KCNQ5: variants seen among roughly 807,000 people sequenced by gnomAD.
KCNQ5 encodes the protein potassium voltage-gated channel subfamily KQT member 5.
In KCNQ5, 30 loss-of-function variants were observed where a neutral mutation model predicts 98.2. The ratio of observed to expected loss-of-function variants is 0.31; its 90% confidence interval spans 0.23 to 0.41. The LOEUF (loss-of-function observed/expected upper bound fraction) is 0.41, where lower values mean the gene tolerates loss of function less well. Ranked by LOEUF, KCNQ5 falls within the 10% of genes least tolerant of loss-of-function variation. The pLI is 1.00. For synonymous variants in KCNQ5, 458 were observed against 449.4 expected (o/e 1.02, Z -0.24); for missense variants, 835 against 1,182.5 (o/e 0.71, Z 4.31).
At chr6:72,737,774 G>A (rs1054558691) in intron 1 of KCNQ5, among the ~76,000 whole-genome samples, 5 of 152,082 alleles carry the variant, frequency 3.3e-5, no homozygotes, top group Admixed American at 6.6e-5. Flanking sequence ...ATTGTTTCAT[G>A]AAACTTGTCT....
chr6:72,624,005 T>C (rs1035530815), intron 1 of KCNQ5, among the ~76,000 whole-genome samples: 2 of 152,192 alleles, frequency 1.3e-5, no homozygotes, highest in Non-Finnish European at 2.9e-5. Flanking sequence ...GGCTCTGGTG[T>C]CTGGAAAATT....
chr6:72,875,385 T>G (rs1159877035), intron 1 of KCNQ5, among the ~76,000 whole-genome samples: 1 of 152,166 alleles, frequency 6.6e-6, no homozygotes, highest in Non-Finnish European at 1.5e-5. Flanking sequence ...ACAAGTAAAC[T>G]TTTCTCCATG....
chr6:72,821,520 C>T (rs562696558), intron 1 of KCNQ5, among the ~76,000 whole-genome samples: 1 of 152,186 alleles, frequency 6.6e-6, no homozygotes, highest in East Asian at 1.9e-4. Flanking sequence ...GCTAAATATT[C>T]CATCACAAAT....
rs1289992760 is a variant in KCNQ5 at position 73,197,872 on chromosome 6, T to C, written c.*2458T>C. ...CAGCTCACCCAGCATTGCTGACGAC[T>C]GAAGATTCAGAAACAAAACCTACAC... On this transcript the variant is annotated 3_prime_UTR_variant, in exon 14 of 14. Transcript: ENST00000370398. The C allele has an allele frequency of 6.6e-6, 1 of 152,214 alleles. No individual in the cohort carries two copies. The highest frequency in any genetic ancestry group is 6.5e-5 in the Admixed American group (1 of 15,278). 9.4% of individuals were successfully genotyped at this position (152,214 alleles called of 1,614,324 possible). A position where few individuals can be genotyped will look rare whatever the true frequency, so the allele number is the denominator to read the frequency against.
In KCNQ5 at chr6:73,021,705, G is replaced by C. The variant is rs1023679915; in HGVS notation, c.489+17707G>C. On this transcript the variant is annotated intron_variant, in intron 2 of 13. Transcript: ENST00000370398. ...TAATAGCAAGCTTTTTAATAAATTA[G>C]TATATAGGTTCAATGCCTCCATGGA... Among the ~76,000 whole-genome samples the C allele has an allele frequency of 2.0e-5, 3 of 152,134 alleles. No individual in the cohort carries two copies. In the East Asian group the frequency reaches 5.8e-4, roughly 29 times the overall value.
chr6:73,144,397 A>G (rs1007976936), intron 10 of KCNQ5, among the ~76,000 whole-genome samples: 1 of 152,054 alleles, frequency 6.6e-6, no homozygotes, highest in African/African-American at 2.4e-5. Context: ...TAATCTCTCT[A>G]CCTCCAGCTA....
intron 1 of KCNQ5, among the ~76,000 whole-genome samples, chr6:72,864,147 T>C (rs763656810): frequency 3.9e-5 from 6 of 152,342 alleles, no homozygotes; most frequent in African/African-American, 4.8e-5. Context: ...CTTTTACTTA[T>C]GCTTTTTATT....
intron 3 of KCNQ5, among the ~76,000 whole-genome samples, chr6:73,065,707 C>G (rs1033615055): frequency 6.6e-6 from 1 of 152,230 alleles, no homozygotes; most frequent in Non-Finnish European, 1.5e-5. Flanking sequence ...CTTGCCTTCC[C>G]TTGAACACAC....
At chr6:73,187,678 T>C (rs1765428535) in intron 11 of KCNQ5, among the ~76,000 whole-genome samples, 2 of 152,196 alleles carry the variant, frequency 1.3e-5, no homozygotes. Flanking sequence ...AGTTTCATTT[T>C]TAGTATTGAT....
At chr6:72,850,311 C>A (rs1413833141) in intron 1 of KCNQ5, among the ~76,000 whole-genome samples, 1 of 152,148 alleles carries the variant, frequency 6.6e-6, no homozygotes, top group African/African-American at 2.4e-5. Flanking sequence ...TCTGAGATGG[C>A]TTGCACAGTT....
rs150254819 is a variant in KCNQ5, at chr6:72,622,555, C to T, written c.366C>T (p.Pro122=). 484 of 1,612,648 alleles carry T rather than the reference C, an allele frequency of 3.0e-4. No individual in the cohort carries two copies. Among genetic ancestry groups the T allele is most frequent in the Non-Finnish European group, 3.9e-4 (460 of 1,179,580 alleles). ...ACCTGTACAACGTGCTGGAGAGACC[C>T]CGCGGCTGGGCGTTCATCTACCACG... ...QNYLYNVLER[P]RGWAFIYHAF... is the part of the protein sequence containing the mutation. Residue 122 remains proline, a synonymous_variant, in exon 1 of 14, where the codon CCC becomes CCT. Transcript: ENST00000370398. This position sits in a 1 kb window ranked among gnomAD's most constrained non-coding sequence, Gnocchi z 6.0.
At chr6:73,091,604 T>C (rs1774250969) in intron 5 of KCNQ5, among the ~76,000 whole-genome samples, 1 of 152,218 alleles carries the variant, frequency 6.6e-6, no homozygotes, top group Non-Finnish European at 1.5e-5. Context: ...CTGGATTCTC[T>C]ATTCTGTTCC....
intron 3 of KCNQ5, among the ~76,000 whole-genome samples, chr6:73,066,743 G>T (rs1483136626): frequency 6.6e-6 from 1 of 152,122 alleles, no homozygotes; most frequent in African/African-American, 2.4e-5. Flanking sequence ...AGTTAATGGC[G>T]AACAGATAAT....
chr6:72,702,244 G>C (rs1768847662), intron 1 of KCNQ5, among the ~76,000 whole-genome samples: 1 of 152,128 alleles, frequency 6.6e-6, no homozygotes, highest in Non-Finnish European at 1.5e-5. Context: ...TTTTCAATAA[G>C]GATACATTAT....
intron 1 of KCNQ5, among the ~76,000 whole-genome samples, chr6:72,925,717 C>G (rs1765386995): frequency 1.3e-5 from 2 of 152,108 alleles, no homozygotes; most frequent in Non-Finnish European, 2.9e-5. Context: ...TGGCAGGCAC[C>G]ATCCAGGCAG....
intron 1 of KCNQ5, among the ~76,000 whole-genome samples, chr6:72,704,543 T>C (rs1394975101): frequency 1.3e-5 from 2 of 151,858 alleles, no homozygotes; most frequent in Non-Finnish European, 2.9e-5. Context: ...TTGCAAAAAA[T>C]AAAATCACAT....
intron 1 of KCNQ5, among the ~76,000 whole-genome samples, chr6:72,905,218 G>A (rs7755521): frequency 0.63 from 95,550 of 152,002 alleles, 30,605 homozygotes; most frequent in East Asian, 0.8. Context: ...CGATGCTTCC[G>A]GAAGTTTTGA....
At chr6:72,932,257 T>TGTGTGC (rs1692192730) in intron 1 of KCNQ5, among the ~76,000 whole-genome samples, 1 of 151,862 alleles carries the variant, frequency 6.6e-6, no homozygotes, top group Non-Finnish European at 1.5e-5. Context: ...TGTGTTTGTG[T>TGTGTGC]GTGTGTGCGT....
intron 1 of KCNQ5, among the ~76,000 whole-genome samples, chr6:72,924,479 G>A (rs1209431348): frequency 4.6e-5 from 7 of 152,118 alleles, no homozygotes; most frequent in East Asian, 1.9e-4. Context: ...GTCGCCATCC[G>A]CATCCTAGTT....
Sources: gnomAD v4.1 joint callset for allele counts (sites outside exome capture counted in the v4.1 genomes callset) on GRCh38, gnomAD v4.1.1 for gene constraint, Gnocchi (gnomAD v3.1) non-coding constraint, MANE v1.5 for transcripts, NCBI Gene and HGNC (gene_info 2026-07-23, HGNC 2026-07-21) for gene names.